Variants in CDC37L1 observed in about 807,000 individuals in gnomAD.
The protein encoded by CDC37L1 is hsp90 co-chaperone Cdc37-like 1.
CDC37L1 carries 32 observed loss-of-function variants against 45.9 expected under a neutral mutation model. The ratio of observed to expected loss-of-function variants is 0.70; its 90% CI spans 0.53 to 0.94. The LOEUF (loss-of-function observed/expected upper bound fraction) is 0.94, where lower values mean the gene tolerates loss of function less well. Ranked by LOEUF, CDC37L1 falls within the 40% of genes least tolerant of loss-of-function variation. The pLI, the probability that CDC37L1 is intolerant of heterozygous loss-of-function variation, is 0.00. For synonymous variants in CDC37L1, 150 were observed against 133.0 expected (o/e 1.13, Z -0.88); for missense variants, 434 against 405.7 (o/e 1.07, Z -0.60).
chr9:4,688,737 T>C, intron 3 of CDC37L1, 131 bp downstream of exon 3: 1 of 554,226 alleles, frequency 1.8e-6, no homozygotes, highest in Non-Finnish European at 3.1e-6. Flanking sequence ...CTGGCACAGC[T>C]GTATAGATCT....
At chr9:4,686,595 T>C (rs1267034417) in intron 2 of CDC37L1, among the ~76,000 whole-genome samples, 6 of 152,234 alleles carry the variant, frequency 3.9e-5, no homozygotes, top group Non-Finnish European at 2.9e-5. Flanking sequence ...AAAGAAAATA[T>C]TTTCATTTTG....
Position 4,701,858 on chromosome 9 carries a change from T to G in CDC37L1, c.748-6T>G. The G allele has an allele frequency of 3.1e-6, 5 of 1,592,806 alleles. No homozygotes were observed. Among genetic ancestry groups the G allele is most frequent in the Non-Finnish European group, 4.3e-6 (5 of 1,172,852 alleles). ...CAGTCTTTGTTTTTTTTTTTGTTTT[T>G]TCTAGGCAGAGGAAGAAGGTTATTT... On this transcript the variant is annotated splice_region_variant and splice_polypyrimidine_tract_variant and intron_variant, in intron 5 of 6. Coordinates refer to ENST00000381854, the MANE Select transcript of CDC37L1 (RefSeq NM_017913.4).
intron 6 of CDC37L1, among the ~76,000 whole-genome samples, chr9:4,705,223 T>C (rs1841431351): frequency 6.6e-6 from 1 of 152,180 alleles, no homozygotes; most frequent in African/African-American, 2.4e-5. Context: ...ATACAAGTGG[T>C]AAAAGTCTTA....
At chr9:4,689,205 A>G (rs1841278916) in intron 3 of CDC37L1, among the ~76,000 whole-genome samples, 1 of 152,208 alleles carries the variant, frequency 6.6e-6, no homozygotes, top group South Asian at 2.1e-4. Flanking sequence ...GCAAGCCAAC[A>G]GCAACAGCAT....
Position 4,688,601 on chromosome 9 carries a change from A to G in CDC37L1, c.503A>G (p.His168Arg). The change falls in exon 3 of 7, where the codon CAT becomes CGT. Residue 168 changes from histidine to arginine, a missense_variant. Physicochemically the swap from His to Arg is conservative, Grantham distance 29 (BLOSUM62 0). Transcript: ENST00000381854. ...FMQKYEQKIR[H>R]FGMLSRWDDS... ...CAAAAATATGAGCAAAAAATCAGAC[A>G]TTTTGGTAAGTCTACTACTTGGATT... 2.6e-6 allele frequency: 4 copies of G among 1,516,958 alleles called. No homozygotes were observed. Among genetic ancestry groups the G allele is most frequent in the Non-Finnish European group, 3.6e-6 (4 of 1,118,914 alleles). 94.0% of individuals were successfully genotyped at this position (1,516,958 alleles called of 1,614,324 possible). A position where few individuals can be genotyped will look rare whatever the true frequency, so the allele number is the denominator to read the frequency against.
chr9:4,693,284 A>T (rs986222953), intron 3 of CDC37L1, among the ~76,000 whole-genome samples: 2 of 151,774 alleles, frequency 1.3e-5, no homozygotes, highest in African/African-American at 2.4e-5. Context: ...TCTACAAAAA[A>T]AAAAAAAAAT....
At chr9:4,700,209 G>A (rs1841384136) in intron 5 of CDC37L1, among the ~76,000 whole-genome samples, 1 of 152,208 alleles carries the variant, frequency 6.6e-6, no homozygotes, top group Admixed American at 6.5e-5. Context: ...AGGCTAGAGT[G>A]CAGTGGTGCA....
At position 4,680,285 on chromosome 9, in the gene CDC37L1, T is replaced by C. The variant is rs542861675; in HGVS notation, c.132+386T>C. Among the ~76,000 whole-genome samples, 8 of 152,338 alleles carry C rather than the reference T, an allele frequency of 5.3e-5. No homozygotes were observed. The South Asian group carries it at 1.7e-3, about 32-fold the overall frequency. ...AAGCACTTTATTCTGTTAAAGGCTC[T>C]AGCATACTTGTGCACAGTTGCTAGG... is the stretch of plus-strand genomic sequence containing the variant. On this transcript the variant is annotated intron_variant, in intron 1 of 6. Coordinates refer to ENST00000381854, the MANE Select transcript of CDC37L1 (RefSeq NM_017913.4).
chr9:4,701,732 T>TTTCTGTATTTA, intron 5 of CDC37L1, 132 bp from the exon 6 acceptor site: 1 of 545,780 alleles, frequency 1.8e-6, no homozygotes, highest in Non-Finnish European at 3.1e-6. Flanking sequence ...GGGATCGTGG[T>TTTCTGTATTTA]GGTTTCTATA....
chr9:4,708,391 T>A lies in CDC37L1; in HGVS notation c.*2279T>A, dbSNP rs566013860. ...ATTAATATTTGAATAAAAAAATTTT[T>A]AAATCAAATAGCTGTCCATTTATTC... On this transcript the variant is annotated 3_prime_UTR_variant, in exon 7 of 7. Transcript: ENST00000381854. 1 of 145,888 alleles carries A rather than the reference T, an allele frequency of 6.9e-6. No homozygotes were observed. Among genetic ancestry groups the A allele is most frequent in the East Asian group, 2.1e-4 (1 of 4,714 alleles). 9.0% of individuals were successfully genotyped at this position (145,888 alleles called of 1,614,324 possible).
At chr9:4,680,242 T>C (rs1226785536) in intron 1 of CDC37L1, among the ~76,000 whole-genome samples, 2 of 152,230 alleles carry the variant, frequency 1.3e-5, no homozygotes, top group Non-Finnish European at 2.9e-5. Flanking sequence ...CTTTGTCCTC[T>C]TGTGAGAGGT....
rs1841355604 is a variant in CDC37L1 at position 4,697,165 on chromosome 9, C to G, written c.578C>G (p.Thr193Ser). Residue 193 changes from threonine (T) to serine (S), a missense_variant, in exon 4 of 7, where the codon ACT becomes AGT. Physicochemically the swap from Thr to Ser is moderately conservative, Grantham distance 58. Transcript: ENST00000381854. Reference sequence around the variant, plus strand: ...CATCCATACCTTGTATGTGAAGAAACTGCTAAATATCTTATTTTATGGTGT... The same window carrying G: ...CATCCATACCTTGTATGTGAAGAAAGTGCTAAATATCTTATTTTATGGTGT... The part of the protein sequence containing the change: ...SDHPYLVCEE[T>S]AKYLILWCFH... 6.3e-7 allele frequency: 1 copy of G among 1,593,482 alleles called. No individual in the cohort carries two copies. The highest frequency in any genetic ancestry group is 8.6e-7 in the Non-Finnish European group (1 of 1,162,130).
rs1054197473 is a variant in CDC37L1, at chr9:4,679,725, G to A, written c.-43G>A. 5.1e-6 allele frequency: 8 copies of A among 1,576,658 alleles called. No homozygotes were observed. The highest frequency in any genetic ancestry group is 3.6e-5 in the Admixed American group (2 of 55,720). On this transcript the variant is annotated 5_prime_UTR_variant, in exon 1 of 7. Coordinates refer to ENST00000381854, the MANE Select transcript of CDC37L1 (RefSeq NM_017913.4). ...CACGCCAAGTCTGTTGGCAGTGGCA[G>A]TTGTAGGGCCAAGGGCGGTTGTAGG...
At chr9:4,693,337 A>G (rs1841318202) in intron 3 of CDC37L1, among the ~76,000 whole-genome samples, 1 of 151,780 alleles carries the variant, frequency 6.6e-6, no homozygotes, top group Admixed American at 6.6e-5. Flanking sequence ...CAGCTACTGC[A>G]GAGGCTGAGG....
intron 3 of CDC37L1, 75 bp downstream of exon 3, chr9:4,688,681 A>G: frequency 2.1e-6 from 2 of 954,524 alleles, no homozygotes; most frequent in South Asian, 1.9e-5. Flanking sequence ...TGGATTTATA[A>G]AAAGAGAGCC....
chr9:4,679,716 G>C lies in CDC37L1; in HGVS notation c.-52G>C, dbSNP rs1306361875. On this transcript the variant is annotated 5_prime_UTR_variant, in exon 1 of 7. Coordinates refer to ENST00000381854, the MANE Select transcript of CDC37L1 (RefSeq NM_017913.4). ...GGTTCCATTCACGCCAAGTCTGTTGGCAGTGGCAGTTGTAGGGCCAAGGGC... is the reference window on the plus strand; with the variant it reads ...GGTTCCATTCACGCCAAGTCTGTTGCCAGTGGCAGTTGTAGGGCCAAGGGC... 5 of 1,551,504 alleles carry C rather than the reference G, an allele frequency of 3.2e-6. No homozygotes were observed. Among genetic ancestry groups the C allele is most frequent in the Non-Finnish European group, 4.4e-6 (5 of 1,141,262 alleles).
intron 2 of CDC37L1, among the ~76,000 whole-genome samples, chr9:4,686,335 T>C (rs1210687743): frequency 6.6e-6 from 1 of 152,204 alleles, no homozygotes; most frequent in East Asian, 1.9e-4. Context: ...GTCATATCTT[T>C]CTCGACTTTC....
intron 5 of CDC37L1, among the ~76,000 whole-genome samples, chr9:4,698,829 C>T (rs571364488): frequency 4.6e-5 from 7 of 151,944 alleles, no homozygotes; most frequent in Non-Finnish European, 1.0e-4. Flanking sequence ...GAGATTAATG[C>T]GGAAGTACAA....
chr9:4,684,372 C>G, intron 1 of CDC37L1, among the ~76,000 whole-genome samples: 1 of 151,942 alleles, frequency 6.6e-6, no homozygotes, highest in South Asian at 2.1e-4. Context: ...TGGAAATATC[C>G]AATAAGAACT....
Sources: allele counts gnomAD v4.1 joint callset (sites outside exome capture counted in the v4.1 genomes callset), GRCh38; gene constraint gnomAD v4.1.1; transcripts MANE v1.5; gene names NCBI Gene and HGNC (gene_info 2026-07-23, HGNC 2026-07-21).